The following MRPS27 variants were observed in gnomAD, a reference collection of about 807,000 sequenced individuals.
MRPS27 encodes the protein small ribosomal subunit protein mS27.
A neutral mutation model predicts 48.9 loss-of-function variants in MRPS27; 43 were observed. The ratio of observed to expected loss-of-function variants is 0.88; its 90% CI spans 0.69 to 1.13. The LOEUF (loss-of-function observed/expected upper bound fraction) is 1.13, where lower values mean the gene tolerates loss of function less well. Ranked by LOEUF, MRPS27 falls within the 50% of genes most tolerant of loss-of-function variation. The pLI, the probability that MRPS27 is intolerant of heterozygous loss-of-function variation, is 0.00. For synonymous variants in MRPS27, 188 were observed against 171.9 expected (o/e 1.09, Z -0.73); for missense variants, 467 against 476.3 (o/e 0.98, Z 0.18).
At chr5:72,261,055 G>A (rs1748953864) in intron 4 of MRPS27, among the ~76,000 whole-genome samples, 1 of 151,990 alleles carries the variant, frequency 6.6e-6, no homozygotes, top group East Asian at 1.9e-4. Flanking sequence ...GTAGAGACAG[G>A]GTTTCGCCAT....
chr5:72,284,878 T>C (rs1297603286), intron 4 of MRPS27, among the ~76,000 whole-genome samples: 1 of 152,208 alleles, frequency 6.6e-6, no homozygotes, highest in East Asian at 1.9e-4. Context: ...TGTACAGCTG[T>C]AGAATAATTA....
chr5:72,227,350 A>G (rs1747928271), intron 8 of MRPS27: 2 of 152,234 alleles, frequency 1.3e-5, no homozygotes, highest in South Asian at 4.1e-4. Flanking sequence ...ATTTTTAAAA[A>G]GAGTGGTCAA....
At chr5:72,263,119 A>G (rs1263080326) in intron 4 of MRPS27, among the ~76,000 whole-genome samples, 3 of 152,212 alleles carry the variant, frequency 2.0e-5, no homozygotes, top group Non-Finnish European at 2.9e-5. Context: ...TCTGGTTTGC[A>G]ATGTCTAGTA....
intron 2 of MRPS27, chr5:72,308,107 G>C (rs1304761516): frequency 6.6e-6 from 1 of 152,214 alleles, no homozygotes. Flanking sequence ...CACCGCGGGC[G>C]CAGGTCCTAG....
intron 2 of MRPS27, among the ~76,000 whole-genome samples, chr5:72,299,408 T>C (rs760457735): frequency 6.6e-6 from 1 of 152,098 alleles, no homozygotes; most frequent in Non-Finnish European, 1.5e-5. Flanking sequence ...TATTTCCTGA[T>C]AGGTTCCCCC....
intron 4 of MRPS27, among the ~76,000 whole-genome samples, chr5:72,254,521 A>C (rs988199458): frequency 2.0e-5 from 3 of 152,214 alleles, no homozygotes; most frequent in African/African-American, 7.2e-5. Context: ...CTCCTCCTGG[A>C]ATTATATATG....
In MRPS27 at chr5:72,281,536, C is replaced by T. The variant is rs374024018; in HGVS notation, c.281+13995G>A. Among the ~76,000 whole-genome samples the T allele has an allele frequency of 4.6e-5, 7 of 152,170 alleles. No individual in the cohort carries two copies. In the East Asian group the frequency reaches 1.2e-3, roughly 25 times the overall value. ...ATGGGTCAGAGAGATCACATTCAAC[C>T]GTGAAAATCAGGGTAAGTTTATGAG... On this transcript the variant is annotated intron_variant, in intron 4 of 10. Transcript: ENST00000261413.
intron 4 of MRPS27, among the ~76,000 whole-genome samples, chr5:72,252,093 T>A (rs1748682235): frequency 2.6e-5 from 4 of 152,110 alleles, no homozygotes; most frequent in Admixed American, 2.6e-4. Context: ...TGAAAAAAAA[T>A]TATGGGTACA....
At chr5:72,253,323 A>G (rs980267876) in intron 4 of MRPS27, among the ~76,000 whole-genome samples, 2 of 152,248 alleles carry the variant, frequency 1.3e-5, no homozygotes, top group Non-Finnish European at 2.9e-5. Flanking sequence ...ATAAGCACAT[A>G]TGATCAATCT....
chr5:72,256,565 T>C (rs1050384128), intron 4 of MRPS27, among the ~76,000 whole-genome samples: 2 of 152,244 alleles, frequency 1.3e-5, no homozygotes, highest in Non-Finnish European at 2.9e-5. Flanking sequence ...TGAGTCTTAA[T>C]GTATTGCCCT....
At chr5:72,250,417 G>A (rs1340608851) in intron 4 of MRPS27, among the ~76,000 whole-genome samples, 2 of 152,152 alleles carry the variant, frequency 1.3e-5, no homozygotes, top group African/African-American at 4.8e-5. Flanking sequence ...CCAAACCACA[G>A]TAATGCTGCT....
chr5:72,317,029 C>CAA (rs1188354136), intron 1 of MRPS27, among the ~76,000 whole-genome samples: 27 of 68,874 alleles, frequency 3.9e-4, no homozygotes, highest in Admixed American at 1.1e-3. Context: ...AACTCCGTCT[C>CAA]AAAAAAAAAA....
chr5:72,297,934 TA>T (rs1750023898), intron 2 of MRPS27, among the ~76,000 whole-genome samples: 1 of 152,184 alleles, frequency 6.6e-6, no homozygotes, highest in African/African-American at 2.4e-5. Flanking sequence ...ATTTAGCTTT[TA>T]AAAAAATGGA....
intron 4 of MRPS27, among the ~76,000 whole-genome samples, chr5:72,274,859 G>T (rs1188839506): frequency 6.6e-6 from 1 of 152,148 alleles, no homozygotes; most frequent in Non-Finnish European, 1.5e-5. Flanking sequence ...TGGGACTACT[G>T]TTGTGTATGC....
intron 4 of MRPS27, among the ~76,000 whole-genome samples, chr5:72,251,234 G>A (rs909808453): frequency 1.3e-5 from 2 of 152,212 alleles, no homozygotes; most frequent in Non-Finnish European, 2.9e-5. Context: ...AACTGGGTCA[G>A]TAAGAGGGTA....
chr5:72,318,260 GTT>G (rs1750614348), intron 1 of MRPS27, among the ~76,000 whole-genome samples: 1 of 152,150 alleles, frequency 6.6e-6, no homozygotes, highest in African/African-American at 2.4e-5. Context: ...GTTAGTTTTT[GTT>G]TTGTTTTGTA....
rs10710435 is a variant in MRPS27, at chr5:72,280,406, AT to A, written c.281+15124del. 4.9e-3 allele frequency among the ~76,000 whole-genome samples: 750 copies of A among 152,130 alleles called. 2 individuals carry two copies. The highest frequency in any genetic ancestry group is 0.017 in the African/African-American group (724 of 41,516). ...AACAAGTGATTTTTCCTTTATAAGT[AT>A]TTTTTTTAAAAAAAGAATATGTAAT... On this transcript the variant is annotated intron_variant, in intron 4 of 10. Transcript: ENST00000261413.
chr5:72,292,251 G>T (rs1189131322), intron 4 of MRPS27, among the ~76,000 whole-genome samples: 3 of 93,378 alleles, frequency 3.2e-5, no homozygotes, highest in East Asian at 3.4e-4. Flanking sequence ...TGCTGGTATT[G>T]CCTTAATCAT....
intron 2 of MRPS27, among the ~76,000 whole-genome samples, chr5:72,308,134 C>T (rs1447597556): frequency 6.6e-6 from 1 of 152,170 alleles, no homozygotes; most frequent in African/African-American, 2.4e-5. Flanking sequence ...GCATTGGCGT[C>T]CACCGCGGCC....
Sources: gnomAD v4.1 joint callset for allele counts (sites outside exome capture counted in the v4.1 genomes callset) on GRCh38, gnomAD v4.1.1 for gene constraint, MANE v1.5 for transcripts, NCBI Gene and HGNC (gene_info 2026-07-23, HGNC 2026-07-21) for gene names.